The following MEGF6 variants were observed in gnomAD, a reference collection of about 807,000 sequenced individuals.
MEGF6 encodes the protein multiple EGF like domains 6.
A neutral mutation model predicts 207.1 loss-of-function variants in MEGF6; 184 were observed. The ratio of observed to expected loss-of-function variants is 0.89; its 90% CI spans 0.79 to 1.00. The LOEUF (loss-of-function observed/expected upper bound fraction) is 1.00. Ranked by LOEUF, MEGF6 falls within the 50% of genes least tolerant of loss-of-function variation. The probability of loss-of-function intolerance (pLI) is 0.00; values close to 1 mark genes in which losing one functional copy is unlikely to be tolerated. For synonymous variants in MEGF6, 1,038 were observed against 910.0 expected (o/e 1.14, Z -2.53); for missense variants, 2,282 against 2,202.9 (o/e 1.04, Z -0.72).
chr1:3,496,128 GC>G (rs1640595749), intron 29 of MEGF6, 110 bp from the exon 30 acceptor site: 1 of 1,399,368 alleles, frequency 7.1e-7, no homozygotes, highest in Non-Finnish European at 9.3e-7. Context: ...CCCTGGGTCT[GC>G]CCCAGACAGG....
chr1:3,589,189 G>A (rs571598168), intron 3 of MEGF6, among the ~76,000 whole-genome samples: 3 of 152,228 alleles, frequency 2.0e-5, no homozygotes, highest in South Asian at 2.1e-4. Flanking sequence ...ACGGAACGCC[G>A]CGGAAGCTGG....
Position 3,505,257 on chromosome 1 carries a change from C to T in MEGF6, c.2139G>A (p.Glu713=). The T allele has an allele frequency of 1.2e-6, 2 of 1,612,578 alleles. No individual in the cohort carries two copies. Among genetic ancestry groups the T allele is most frequent in the Non-Finnish European group, 1.7e-6 (2 of 1,179,882 alleles). ...VGVACDSVSG[E]CGKRCPAGFQ... ...AGCCAGCAGGACACCGCTTCCCACA[C>T]TCGCCGCTCACGGAGTCACAGGCCA... Residue 713 remains glutamate, a synonymous_variant, in exon 17 of 37, where the codon GAG becomes GAA. Coordinates refer to ENST00000356575, the MANE Select transcript of MEGF6 (RefSeq NM_001409.4).
At chr1:3,494,862 T>A in intron 30 of MEGF6, 121 bp from the exon 31 acceptor site, 1 of 1,386,358 alleles carries the variant, frequency 7.2e-7, no homozygotes, top group Admixed American at 2.9e-5. Context: ...TCAGTGCCAG[T>A]CTCTGCCTGC....
At chr1:3,578,897 C>T (rs1643722077) in intron 4 of MEGF6, among the ~76,000 whole-genome samples, 1 of 152,196 alleles carries the variant, frequency 6.6e-6, no homozygotes, top group Non-Finnish European at 1.5e-5. Context: ...TCAGCCCGGC[C>T]CCCAGCGCAA....
At chr1:3,526,499 G>A (rs181704283) in intron 4 of MEGF6, among the ~76,000 whole-genome samples, 1 of 150,590 alleles carries the variant, frequency 6.6e-6, no homozygotes, top group Non-Finnish European at 1.5e-5. Context: ...CCAGGTTCAA[G>A]CGGTTCTCCC....
At chr1:3,542,693 G>A (rs1642569071) in intron 4 of MEGF6, among the ~76,000 whole-genome samples, 1 of 152,206 alleles carries the variant, frequency 6.6e-6, no homozygotes. Context: ...GCTGAGAGCA[G>A]GACTTGCCGC....
chr1:3,523,169 G>A (rs909037568), intron 5 of MEGF6, among the ~76,000 whole-genome samples: 4 of 152,140 alleles, frequency 2.6e-5, no homozygotes, highest in African/African-American at 4.8e-5. Context: ...CCTGCTCCGG[G>A]CCTCCAAGGC....
intron 4 of MEGF6, among the ~76,000 whole-genome samples, chr1:3,566,759 G>C (rs1643354156): frequency 6.6e-6 from 1 of 152,202 alleles, no homozygotes; most frequent in African/African-American, 2.4e-5. Context: ...GCCCTAGAGG[G>C]GCTTTGCAGG....
In MEGF6 at chr1:3,502,929, C is replaced by T. The variant is rs1199042384; in HGVS notation, c.2189-1008G>A. On this transcript the variant is annotated intron_variant, in intron 17 of 36. Transcript: ENST00000356575. Reference sequence around the variant, plus strand: ...GAGGCGCAGCCACTCTGATGCCCTGCCTGCTGCTGGAACTAAACCTCTCCC... The same window carrying T: ...GAGGCGCAGCCACTCTGATGCCCTGTCTGCTGCTGGAACTAAACCTCTCCC... 2.6e-5 allele frequency among the ~76,000 whole-genome samples: 4 copies of T among 152,210 alleles called. No homozygotes were observed. The East Asian group carries it at 7.7e-4, about 29-fold the overall frequency.
At chr1:3,515,789 T>C (rs140911518) in intron 5 of MEGF6, among the ~76,000 whole-genome samples, 22 of 152,346 alleles carry the variant, frequency 1.4e-4, no homozygotes, top group African/African-American at 5.1e-4. Flanking sequence ...GGCCCCGGCC[T>C]GATCGAGGGC....
At chr1:3,495,820 G>C in intron 30 of MEGF6, 70 bp downstream of exon 30, 2 of 1,542,242 alleles carry the variant, frequency 1.3e-6, no homozygotes, top group South Asian at 1.2e-5. Context: ...CCCCTCCAGT[G>C]TCCCCACGGC....
At chr1:3,587,171 A>T (rs146745386) in intron 3 of MEGF6, among the ~76,000 whole-genome samples, 1 of 152,216 alleles carries the variant, frequency 6.6e-6, no homozygotes, top group East Asian at 1.9e-4. Flanking sequence ...AAAAATAAAG[A>T]TTGCATGCAA....
At chr1:3,542,729 A>G (rs1443705826) in intron 4 of MEGF6, among the ~76,000 whole-genome samples, 2 of 152,250 alleles carry the variant, frequency 1.3e-5, no homozygotes, top group Non-Finnish European at 2.9e-5. Context: ...ACTGGAGTTC[A>G]GAGTGGCAGA....
chr1:3,511,650 G>T lies in MEGF6; in HGVS notation c.1014C>A (p.Asn338Lys), dbSNP rs770024433. 1.7e-5 allele frequency: 28 copies of T among 1,612,192 alleles called. No individual in the cohort carries two copies. Among genetic ancestry groups the T allele is most frequent in the Non-Finnish European group, 2.4e-5 (28 of 1,179,378 alleles). ...TGCAGCCATGGGAGCAGCCGCCGTT[G>T]TTGGCCTCACAGCTGTTCACGATTT... ...EMEIVNSCEA[N>K]NGGCSHGCSH... Residue 338 changes from asparagine to lysine, a missense_variant, in exon 9 of 37, where the codon AAC becomes AAA. Coordinates refer to ENST00000356575, the MANE Select transcript of MEGF6 (RefSeq NM_001409.4).
Position 3,595,383 on chromosome 1 carries a change from A to G in MEGF6, c.331T>C (p.Cys111Arg), listed in dbSNP as rs1270669146. ...TTEARTVLRC[C>R]RGWMQQPDEE... ...TCGGGCTGCTGCATCCACCCTCGGC[A>G]GCACCTGAGCACGGTCCGGGCCTCC... The change falls in exon 3 of 37, where the codon TGC (cysteine) becomes CGC (arginine). Residue 111 changes from cysteine (C) to arginine (R), a missense_variant. Coordinates refer to ENST00000356575, the MANE Select transcript of MEGF6 (RefSeq NM_001409.4). The G allele has an allele frequency of 6.2e-7, 1 of 1,612,514 alleles. No individual in the cohort carries two copies. The highest frequency in any genetic ancestry group is 1.3e-5 in the African/African-American group (1 of 74,912).
chr1:3,494,969 G>T (rs995222928), intron 30 of MEGF6, among the ~76,000 whole-genome samples: 51 of 152,238 alleles, frequency 3.4e-4, no homozygotes, highest in Non-Finnish European at 6.8e-4. Context: ...GGAACTGAGG[G>T]TGGCTCAGTC....
At chr1:3,542,309 T>C (rs905588319) in intron 4 of MEGF6, among the ~76,000 whole-genome samples, 1 of 152,250 alleles carries the variant, frequency 6.6e-6, no homozygotes, top group Non-Finnish European at 1.5e-5. Context: ...ATTGTCACTG[T>C]GGTCTTCCAG....
At chr1:3,512,442 G>A (rs1180651814) in intron 7 of MEGF6, among the ~76,000 whole-genome samples, 9 of 152,216 alleles carry the variant, frequency 5.9e-5, no homozygotes, top group Non-Finnish European at 1.0e-4. Flanking sequence ...GCCATCCGGC[G>A]GGGGCCTGAT....
chr1:3,532,667 T>C (rs757239468), intron 4 of MEGF6, among the ~76,000 whole-genome samples: 4 of 152,186 alleles, frequency 2.6e-5, no homozygotes, highest in Non-Finnish European at 4.4e-5. Context: ...GCCACATGAC[T>C]GGGGCCACTG....
Sources: allele counts gnomAD v4.1 joint callset (sites outside exome capture counted in the v4.1 genomes callset), GRCh38; gene constraint gnomAD v4.1.1; transcripts MANE v1.5; gene names NCBI Gene and HGNC (gene_info 2026-07-23, HGNC 2026-07-21).